The following EDRF1 variants were observed in gnomAD, a reference collection of about 807,000 sequenced individuals.
EDRF1 encodes the protein erythroid differentiation regulatory factor 1.
Under a neutral mutation model 148.7 loss-of-function variants are expected in EDRF1, and 69 were observed. The ratio of observed to expected loss-of-function variants is 0.46; its 90% CI spans 0.38 to 0.57. The LOEUF (loss-of-function observed/expected upper bound fraction) is 0.57, where lower values mean the gene tolerates loss of function less well. EDRF1 is among the 20% of genes least tolerant of loss of function. EDRF1 has a pLI of 0.00. For synonymous variants in EDRF1, 515 were observed against 532.8 expected, an observed-to-expected ratio of 0.97 and a Z score of 0.46; for missense variants, 1,118 against 1,478.7, an observed-to-expected ratio of 0.76 and a Z score of 4.00.
At chr10:125,747,813 A>G (rs754010484) in intron 20 of EDRF1, 50 bp from the exon 21 acceptor site, 72 of 1,612,410 alleles carry the variant, frequency 4.5e-5, no homozygotes, top group Non-Finnish European at 5.9e-5. Context: ...AAAAACTCCT[A>G]CAGTCAGATT....
intron 9 of EDRF1, among the ~76,000 whole-genome samples, 184 bp downstream of exon 9, chr10:125,730,583 T>C (rs1341970361): frequency 6.6e-6 from 1 of 152,204 alleles, no homozygotes; most frequent in Non-Finnish European, 1.5e-5. Context: ...TATAGAAGTA[T>C]AATTTTACAG....
chr10:125,759,619 C>T (rs2133769365), intron 24 of EDRF1, among the ~76,000 whole-genome samples: 1 of 151,988 alleles, frequency 6.6e-6, no homozygotes, highest in African/African-American at 2.4e-5. Flanking sequence ...CAGAGCAAAA[C>T]CCAACTCTTT....
chr10:125,747,051 A>C (rs1480148252), intron 19 of EDRF1: 4 of 156,280 alleles, frequency 2.6e-5, no homozygotes, highest in Admixed American at 2.5e-4. Context: ...TAAACACCAG[A>C]AATGTAGAAA....
chr10:125,728,396 C>G (rs551286951), intron 6 of EDRF1, among the ~76,000 whole-genome samples: 2 of 152,024 alleles, frequency 1.3e-5, no homozygotes, highest in Admixed American at 1.3e-4. Context: ...TCTTTCAAAC[C>G]TGACTCTGGA....
chr10:125,763,332 A>C lies in EDRF1; in HGVS notation c.3577A>C (p.Thr1193Pro). ...NNIEDDTILK[T>P]NKHIYSQLLR... ...CATCGAAGATGACACAATTCTCAAA[A>C]CCAACAAGCACATTTACTCCCAGCT... Residue 1193 changes from threonine (T) to proline (P), a missense_variant, in exon 25 of 25, where the codon ACC becomes CCC. Thr to Pro is a conservative substitution (Grantham distance 38, BLOSUM62 -1). Transcript: ENST00000356792. This position sits in a 1 kb window ranked among gnomAD's most constrained non-coding sequence, Gnocchi z 4.3. 1 of 1,613,496 alleles carries C rather than the reference A, an allele frequency of 6.2e-7. No homozygotes were observed. The highest frequency in any genetic ancestry group is 8.5e-7 in the Non-Finnish European group (1 of 1,180,020).
At position 125,734,221 on chromosome 10, in the gene EDRF1, A is replaced by G. The variant is rs756766857; in HGVS notation, c.1497+38A>G. On this transcript the variant is annotated intron_variant, in intron 12 of 24. Transcript: ENST00000356792. ...TTTATGTATTCTCTAAAACAATCCT[A>G]GCATTCTAATAGGAGATTGTTACCT... 1.4e-5 allele frequency: 21 copies of G among 1,466,314 alleles called. No homozygotes were observed. In the South Asian group the frequency reaches 2.4e-4, roughly 17 times the overall value. 90.8% of individuals were successfully genotyped at this position (1,466,314 alleles called of 1,614,324 possible). A position where few individuals can be genotyped will look rare whatever the true frequency, so the allele number is the denominator to read the frequency against.
At position 125,721,303 on chromosome 10, in the gene EDRF1, A is replaced by G; in HGVS notation, c.208A>G (p.Lys70Glu). 6.2e-7 allele frequency: 1 copy of G among 1,614,202 alleles called. No individual in the cohort carries two copies. Among genetic ancestry groups the G allele is most frequent in the Non-Finnish European group, 8.5e-7 (1 of 1,180,052 alleles). ...AACAGCATTTGCACGCCTTGAAGAG[A>G]AAACAGACTTGAAACTCCCACCTGC... ...PRTAFARLEE[K>E]TDLKLPPANW... The change falls in exon 2 of 25, where the codon AAA becomes GAA. Residue 70 changes from lysine (K) to glutamate (E), a missense_variant. Around this residue, in one of 3 missense-constraint regions of EDRF1, gnomAD observed 99 missense variants for 186.9 expected, o/e 0.53. Coordinates refer to ENST00000356792, the MANE Select transcript of EDRF1 (RefSeq NM_001202438.2).
At chr10:125,737,238 A>G (rs930239628) in intron 13 of EDRF1, among the ~76,000 whole-genome samples, 5 of 152,176 alleles carry the variant, frequency 3.3e-5, no homozygotes, top group South Asian at 2.1e-4. Flanking sequence ...TAGTGTCACT[A>G]TTTTTCACAG....
At chr10:125,727,862 G>C (rs1310159408) in intron 6 of EDRF1, among the ~76,000 whole-genome samples, 2 of 152,136 alleles carry the variant, frequency 1.3e-5, no homozygotes, top group Non-Finnish European at 2.9e-5. Flanking sequence ...TGAGTGGTAG[G>C]CTGAGTTTAC....
chr10:125,723,349 A>G (rs780696429), intron 3 of EDRF1, among the ~76,000 whole-genome samples: 1 of 152,218 alleles, frequency 6.6e-6, no homozygotes, highest in Non-Finnish European at 1.5e-5. Flanking sequence ...TCAATCCCCA[A>G]ACACTGGCAG....
intron 6 of EDRF1, among the ~76,000 whole-genome samples, chr10:125,727,225 G>T (rs1462066195): frequency 6.6e-6 from 1 of 152,174 alleles, no homozygotes; most frequent in African/African-American, 2.4e-5. Context: ...ACACAGCAAG[G>T]CCCTACTAAC....
intron 9 of EDRF1, 80 bp downstream of exon 9, chr10:125,730,479 G>C (rs958780930): frequency 2.6e-6 from 3 of 1,136,930 alleles, no homozygotes; most frequent in African/African-American, 3.1e-5. Flanking sequence ...TTACGGCCCT[G>C]AAGTACTAAG....
In EDRF1 at chr10:125,741,148, CAAA is replaced by C; in HGVS notation, c.2320_2322del (p.Lys774del). 1 of 1,614,120 alleles carries C rather than the reference CAAA, an allele frequency of 6.2e-7. No homozygotes were observed. Among genetic ancestry groups the C allele is most frequent in the Non-Finnish European group, 8.5e-7 (1 of 1,180,028 alleles). ...CACCTTGAAGAGTTTCATTACCAAACAAAAGAAGACCAGGAGATCCTGCATAGC... is the reference window on the plus strand; with the variant it reads ...CACCTTGAAGAGTTTCATTACCAAACAGAAGACCAGGAGATCCTGCATAGC... On this transcript the variant is annotated inframe_deletion, in exon 17 of 25. Transcript: ENST00000356792.
At chr10:125,736,208 A>G (rs897068458) in intron 13 of EDRF1, among the ~76,000 whole-genome samples, 1 of 152,116 alleles carries the variant, frequency 6.6e-6, no homozygotes, top group Non-Finnish European at 1.5e-5. Flanking sequence ...GGGCACTTCT[A>G]TCCGGTGTTG....
chr10:125,757,091 G>A (rs1378088171), intron 24 of EDRF1: 1 of 416,780 alleles, frequency 2.4e-6, no homozygotes, highest in South Asian at 1.8e-5. Flanking sequence ...GGGATTACAA[G>A]TATGAGCCAC....
chr10:125,725,893 T>A, intron 6 of EDRF1, 55 bp downstream of exon 6: 1 of 1,572,962 alleles, frequency 6.4e-7, no homozygotes, highest in Non-Finnish European at 8.7e-7. Flanking sequence ...AAGCCTTTTT[T>A]AACATCTCGT....
At chr10:125,730,708 C>T (rs960658907) in intron 9 of EDRF1, among the ~76,000 whole-genome samples, 4 of 152,126 alleles carry the variant, frequency 2.6e-5, no homozygotes, top group Non-Finnish European at 2.9e-5. Context: ...ACAATGGAGG[C>T]GTTTCTTCGT....
At chr10:125,747,493 G>GT (rs1564747997) in intron 19 of EDRF1, 43 bp from the exon 20 acceptor site, 3 of 1,608,202 alleles carry the variant, frequency 1.9e-6, no homozygotes, top group Non-Finnish European at 1.7e-6. Context: ...ATTGGTATAT[G>GT]TTTAAGCTGA....
rs752953628 is a variant in EDRF1 at position 125,735,893 on chromosome 10, C to A, written c.1747C>A (p.His583Asn). 6.2e-7 allele frequency: 1 copy of A among 1,607,948 alleles called. No homozygotes were observed. Among genetic ancestry groups the A allele is most frequent in the Non-Finnish European group, 8.5e-7 (1 of 1,175,464 alleles). ...LSVPEKYKSI[H>N]QIRPSCAFPV... ...AGTACCAGAAAAATACAAATCTATT[C>A]ATCAAATCAGAGTAAGCCTTTAGAA... Residue 583 changes from histidine to asparagine, a missense_variant, in exon 13 of 25, where the codon CAT becomes AAT. Physicochemically the swap from His to Asn is moderately conservative, Grantham distance 68. Around this residue, in one of 3 missense-constraint regions of EDRF1, gnomAD observed 954 missense variants for 1,241.4 expected, o/e 0.77. Transcript: ENST00000356792.
Sources: gnomAD v4.1 joint callset for allele counts (sites outside exome capture counted in the v4.1 genomes callset) on GRCh38, gnomAD v4.1.1 for gene constraint, gnomAD v4.1.1 regional missense constraint, Gnocchi (gnomAD v3.1) non-coding constraint, MANE v1.5 for transcripts, NCBI Gene and HGNC (gene_info 2026-07-23, HGNC 2026-07-21) for gene names.